The following ZBTB11 variants were observed in gnomAD, a reference collection of about 807,000 sequenced individuals.
ZBTB11 encodes zinc finger and BTB domain-containing protein 11.
Under a neutral mutation model 113.1 loss-of-function variants are expected in ZBTB11, and 68 were observed. The observed-to-expected ratio is 0.60, with a 90% CI of 0.49 to 0.74. ZBTB11 has a LOEUF of 0.74. Among genes scored for constraint, ZBTB11 ranks in the 30% least tolerant of loss-of-function variants. The pLI, the probability that ZBTB11 is intolerant of heterozygous loss-of-function variation, is 0.00. For missense variants in ZBTB11, 1,104 were observed against 1,279.4 expected, an observed-to-expected ratio of 0.86 and a Z score of 2.09; for synonymous variants, 518 against 452.6, an observed-to-expected ratio of 1.14 and a Z score of -1.83.
chr3:101,656,089 T>C lies in ZBTB11; in HGVS notation c.2191+15A>G, dbSNP rs779329197. On this transcript the variant is annotated intron_variant, in intron 7 of 10. Coordinates refer to ENST00000312938, the MANE Select transcript of ZBTB11 (RefSeq NM_014415.4). ...TTTATGAAATGTAACTATGTCAATA[T>C]AAATTTCTCATTACCTGTGTGAATA... is the stretch of plus-strand genomic sequence containing the variant. The C allele has an allele frequency of 1.3e-6, 2 of 1,483,066 alleles. No homozygotes were observed. Among genetic ancestry groups the C allele is most frequent in the East Asian group, 2.6e-5 (1 of 38,540 alleles). The allele number at this position is 1,483,066 out of a possible 1,614,324, so 91.9% of individuals were successfully genotyped here.
At chr3:101,668,218 G>A (rs1937027128) in intron 3 of ZBTB11, among the ~76,000 whole-genome samples, 1 of 152,126 alleles carries the variant, frequency 6.6e-6, no homozygotes, top group African/African-American at 2.4e-5. Flanking sequence ...GACAGGAGGG[G>A]AGTATAGGAG....
chr3:101,652,434 G>A, intron 10 of ZBTB11, 62 bp downstream of exon 10: 8 of 1,491,730 alleles, frequency 5.4e-6, no homozygotes, highest in African/African-American at 1.4e-5. Flanking sequence ...CTGGTAAAGG[G>A]AGAATCACTA....
Position 101,665,431 on chromosome 3 carries a change from G to A in ZBTB11, c.1156C>T (p.Pro386Ser). 1.9e-6 allele frequency: 3 copies of A among 1,614,162 alleles called. No homozygotes were observed. Among genetic ancestry groups the A allele is most frequent in the Non-Finnish European group, 2.5e-6 (3 of 1,180,036 alleles). ...GATTCAGCCTCTGAAGAAACCTGGG[G>A]CTCAGGCTGTCGTCCTACCTCTCCA... ...QNGEVGRQPEPQVSSEAESAL... is the reference protein window; with the variant it reads ...QNGEVGRQPESQVSSEAESAL... Residue 386 changes from proline to serine, a missense_variant, in exon 4 of 11, where the codon CCC (proline) becomes TCC (serine). By Grantham distance (74) the Pro-to-Ser change is moderately conservative. Around this residue, in one of 5 missense-constraint regions of ZBTB11, gnomAD observed 535 missense variants for 518.6 expected, o/e 1.03. Coordinates refer to ENST00000312938, the MANE Select transcript of ZBTB11 (RefSeq NM_014415.4).
At chr3:101,664,269 CA>C (rs1188297344) in intron 5 of ZBTB11, among the ~76,000 whole-genome samples, 1 of 152,168 alleles carries the variant, frequency 6.6e-6, no homozygotes, top group Non-Finnish European at 1.5e-5. Context: ...TTAGTTGTTT[CA>C]AGATTTCCTG....
chr3:101,676,530 G>A (rs1937177064), intron 1 of ZBTB11, 75 bp downstream of exon 1: 4 of 1,387,366 alleles, frequency 2.9e-6, no homozygotes, highest in Non-Finnish European at 3.8e-6. Flanking sequence ...TCGTGGGTAC[G>A]CATAGGCCTC....
At chr3:101,658,790 T>C (rs1454504549) in intron 6 of ZBTB11, among the ~76,000 whole-genome samples, 1 of 152,094 alleles carries the variant, frequency 6.6e-6, no homozygotes, top group South Asian at 2.1e-4. Flanking sequence ...ACACCCTGGG[T>C]ATAGTGTATA....
rs112731730 is a variant in ZBTB11 at position 101,654,955 on chromosome 3, G to A, written c.2192-134C>T. Reference sequence around the variant, plus strand: ...TGCAGTGGCGTGATCTCGGCTCATCGCAAACTCCACCTCCCAGGTTCAAGT... The same window carrying A: ...TGCAGTGGCGTGATCTCGGCTCATCACAAACTCCACCTCCCAGGTTCAAGT... On this transcript the variant is annotated intron_variant, in intron 7 of 10. Transcript: ENST00000312938. 1,549 of 605,730 alleles carry A rather than the reference G, an allele frequency of 2.6e-3. 13 individuals carry two copies. The highest frequency in any genetic ancestry group is 0.022 in the African/African-American group (1,183 of 54,392). The allele number at this position is 605,730 out of a possible 1,614,324, so 37.5% of individuals were successfully genotyped here. A position where few individuals can be genotyped will look rare whatever the true frequency, so the allele number is the denominator to read the frequency against.
chr3:101,652,951 T>C lies in ZBTB11; in HGVS notation c.2310-13A>G. The stretch of plus-strand genomic sequence containing the variant: ...ACTTTTTTCACATCTGCAATAAAGT[T>C]CAGTTACCCAATTGGATAATCTTAT... On this transcript the variant is annotated splice_polypyrimidine_tract_variant and intron_variant, in intron 8 of 10. Transcript: ENST00000312938. The C allele has an allele frequency of 6.2e-7, 1 of 1,606,410 alleles. No homozygotes were observed. The highest frequency in any genetic ancestry group is 1.7e-4 in the Middle Eastern group (1 of 6,014).
intron 10 of ZBTB11, 69 bp from the exon 11 acceptor site, chr3:101,651,752 A>T (rs1476028799): frequency 6.9e-7 from 1 of 1,449,104 alleles, no homozygotes; most frequent in Non-Finnish European, 9.1e-7. Flanking sequence ...ACTGCCTACC[A>T]AACTTCCTTT....
chr3:101,656,028 T>C lies in ZBTB11; in HGVS notation c.2191+76A>G, dbSNP rs1936791604. 16 of 1,132,904 alleles carry C rather than the reference T, an allele frequency of 1.4e-5. No individual in the cohort carries two copies. In the South Asian group the frequency reaches 2.9e-4, roughly 20 times the overall value. The allele number at this position is 1,132,904 out of a possible 1,614,324, so 70.2% of individuals were successfully genotyped here. A position where few individuals can be genotyped will look rare whatever the true frequency, so the allele number is the denominator to read the frequency against. The stretch of plus-strand genomic sequence containing the variant: ...ACACACGACTATCAGTTTATCAATA[T>C]AATTTCTGGTATAATTAAAGCATAA... On this transcript the variant is annotated intron_variant, in intron 7 of 10. Coordinates refer to ENST00000312938, the MANE Select transcript of ZBTB11 (RefSeq NM_014415.4).
intron 1 of ZBTB11, among the ~76,000 whole-genome samples, chr3:101,675,781 G>T (rs538815078): frequency 6.6e-6 from 1 of 152,214 alleles, no homozygotes; most frequent in African/African-American, 2.4e-5. Context: ...TTAGGGGAAA[G>T]ATTATTAAAA....
Position 101,671,460 on chromosome 3 carries a change from G to C in ZBTB11, c.547-99C>G. ...ACACATTACATATTACCTTTTACCAGGTATGAATAATTTGATATTTTCTTT... is the reference window on the plus strand; with the variant it reads ...ACACATTACATATTACCTTTTACCACGTATGAATAATTTGATATTTTCTTT... On this transcript the variant is annotated intron_variant, in intron 2 of 10. Transcript: ENST00000312938. The C allele has an allele frequency of 4.9e-6, 4 of 809,320 alleles. No individual in the cohort carries two copies. The South Asian group carries it at 5.1e-5, about 10-fold the overall frequency. The allele number at this position is 809,320 out of a possible 1,614,324, so 50.1% of individuals were successfully genotyped here.
Position 101,676,581 on chromosome 3 carries a change from C to A in ZBTB11, c.310+24G>T, listed in dbSNP as rs777166848. 4.1e-6 allele frequency: 6 copies of A among 1,465,120 alleles called. No homozygotes were observed. The African/African-American group carries it at 7.2e-5, about 18-fold the overall frequency. The allele number at this position is 1,465,120 out of a possible 1,614,324, so 90.8% of individuals were successfully genotyped here. A position where few individuals can be genotyped will look rare whatever the true frequency, so the allele number is the denominator to read the frequency against. On this transcript the variant is annotated intron_variant, in intron 1 of 10. Transcript: ENST00000312938. ...CCAGGCAACGAGTCGCCAGCCCGCC[C>A]CCTCGCCGCGGGCTAGGTCTCACCT...
rs1936983624 is a variant in ZBTB11, at chr3:101,665,595, T to A, written c.992A>T (p.Gln331Leu). 1.9e-6 allele frequency: 3 copies of A among 1,614,116 alleles called. No individual in the cohort carries two copies. The South Asian group carries it at 3.3e-5, about 18-fold the overall frequency. ...ACCTCCATTCTGTACTCGTAAGTCC[T>A]GGGTGGATGCAACTGTTTGTACTTC... ...KGEVQTVAST[Q>L]DLRVQNGGTA... Residue 331 changes from glutamine to leucine, a missense_variant, in exon 4 of 11, where the codon CAG becomes CTG. Transcript: ENST00000312938.
chr3:101,650,945 A>C lies in ZBTB11; in HGVS notation c.*221T>G. 1 of 395,834 alleles carries C rather than the reference A, an allele frequency of 2.5e-6. No homozygotes were observed. The highest frequency in any genetic ancestry group is 4.5e-6 in the Non-Finnish European group (1 of 223,382). 24.5% of individuals were successfully genotyped at this position (395,834 alleles called of 1,614,324 possible). Reference sequence around the variant, plus strand: ...CAAATATTAGGTTGGTGCAAAAGCAATTGCACCAACCTAATAGATCTGTTT... The same window carrying C: ...CAAATATTAGGTTGGTGCAAAAGCACTTGCACCAACCTAATAGATCTGTTT... On this transcript the variant is annotated 3_prime_UTR_variant, in exon 11 of 11. Transcript: ENST00000312938.
chr3:101,675,104 TTAAA>T (rs753741508), intron 1 of ZBTB11, among the ~76,000 whole-genome samples: 15 of 152,184 alleles, frequency 9.9e-5, no homozygotes, highest in Non-Finnish European at 1.9e-4. Flanking sequence ...TTTATGAAGG[TTAAA>T]TAAATGTCAA....
chr3:101,662,711 GT>G (rs886895896), intron 5 of ZBTB11, among the ~76,000 whole-genome samples: 1 of 151,686 alleles, frequency 6.6e-6, no homozygotes, highest in Non-Finnish European at 1.5e-5. Flanking sequence ...ATGTTCTGAA[GT>G]TTTTTTCTTT....
Position 101,664,638 on chromosome 3 carries a change from GCTT to G in ZBTB11, c.1697_1699del (p.Glu566del), listed in dbSNP as rs756661744. The stretch of plus-strand genomic sequence containing the variant: ...TCCACATTCCCCACATTTATGAGAT[GCTT>G]CTTCTGTGTTCTCTTTAGCATCTCT... On this transcript the variant is annotated inframe_deletion, in exon 5 of 11. Transcript: ENST00000312938. 8 of 1,613,714 alleles carry G rather than the reference GCTT, an allele frequency of 5.0e-6. No homozygotes were observed. The highest frequency in any genetic ancestry group is 2.7e-5 in the African/African-American group (2 of 74,896).
chr3:101,662,971 G>A (rs1297336698), intron 5 of ZBTB11, among the ~76,000 whole-genome samples: 11 of 147,642 alleles, frequency 7.5e-5, no homozygotes, highest in Admixed American at 1.4e-4. Context: ...ACGGAGTCTC[G>A]CTCTGTTGCC....
Sources: allele counts gnomAD v4.1 joint callset (sites outside exome capture counted in the v4.1 genomes callset), GRCh38; gene constraint gnomAD v4.1.1; regional missense constraint gnomAD v4.1.1; transcripts MANE v1.5; gene names NCBI Gene and HGNC (gene_info 2026-07-23, HGNC 2026-07-21).